TTC38: variants seen among roughly 807,000 people sequenced by gnomAD.
TTC38 encodes tetratricopeptide repeat protein 38.
Under a neutral mutation model 64.2 loss-of-function variants are expected in TTC38, and 64 were observed. The ratio of observed to expected loss-of-function variants is 1.00; its 90% CI spans 0.81 to 1.23. TTC38 has a LOEUF of 1.23. TTC38 is among the 50% of genes most tolerant of loss of function. The pLI is 0.00. For synonymous variants in TTC38, 254 were observed against 249.3 expected (o/e 1.02, Z -0.18); for missense variants, 573 against 615.5 (o/e 0.93, Z 0.73).
At position 46,272,514 on chromosome 22, in the gene TTC38, G is replaced by T. The variant is rs1936917983; in HGVS notation, c.193+98G>T. 2 of 1,048,886 alleles carry T rather than the reference G, an allele frequency of 1.9e-6. No individual in the cohort carries two copies. Among genetic ancestry groups the T allele is most frequent in the Non-Finnish European group, 2.9e-6 (2 of 690,346 alleles). The allele number at this position is 1,048,886 out of a possible 1,614,324, so 65.0% of individuals were successfully genotyped here. A position where few individuals can be genotyped will look rare whatever the true frequency, so the allele number is the denominator to read the frequency against. On this transcript the variant is annotated intron_variant, in intron 3 of 13. Transcript: ENST00000381031. This position sits in a 1 kb window ranked among gnomAD's most constrained non-coding sequence, Gnocchi z 6.4. The stretch of plus-strand genomic sequence containing the variant: ...GACACAGTTGGGATGGGGAAGGCAG[G>T]TTGGGTGGCAGCAACCAGGGTGGCA...
At position 46,293,130 on chromosome 22, in the gene TTC38, C is replaced by T; in HGVS notation, c.*246C>T. 2 of 475,010 alleles carry T rather than the reference C, an allele frequency of 4.2e-6. No individual in the cohort carries two copies. The highest frequency in any genetic ancestry group is 3.2e-5 in the Admixed American group (1 of 31,082). 29.4% of individuals were successfully genotyped at this position (475,010 alleles called of 1,614,324 possible). ...AGTCACAGCCAGTGTGAGTGCTGCT[C>T]TTTCCACCTGCCTTGCAAATTCTGT... is the stretch of plus-strand genomic sequence containing the variant. On this transcript the variant is annotated 3_prime_UTR_variant, in exon 14 of 14. Transcript: ENST00000381031. The surrounding 1 kb of genome is among the most constrained non-coding windows in gnomAD (Gnocchi z 6.6).
rs1278977469 is a variant in TTC38 at position 46,291,558 on chromosome 22, T to G, written c.1317-1233T>G. Among the ~76,000 whole-genome samples the G allele has an allele frequency of 6.6e-6, 1 of 152,114 alleles. No homozygotes were observed. The highest frequency in any genetic ancestry group is 1.9e-4 in the East Asian group (1 of 5,190). On this transcript the variant is annotated intron_variant, in intron 13 of 13. Coordinates refer to ENST00000381031, the MANE Select transcript of TTC38 (RefSeq NM_017931.4). This position sits in a 1 kb window ranked among gnomAD's most constrained non-coding sequence, Gnocchi z 4.6. ...CCCACAGCCATGGTGCCCCCCACAA[T>G]GAGTTCCCGGCCCCAGCCCCTTCAC...
chr22:46,289,260 G>A, intron 11 of TTC38, 142 bp from the exon 12 acceptor site: 1 of 1,090,372 alleles, frequency 9.2e-7, no homozygotes, highest in Middle Eastern at 2.7e-4. Flanking sequence ...TCGATGGGCT[G>A]CCCCGCCTGT....
intron 2 of TTC38, among the ~76,000 whole-genome samples, chr22:46,269,500 T>A (rs915340660): frequency 1.3e-5 from 2 of 152,226 alleles, no homozygotes; most frequent in Admixed American, 1.3e-4. Flanking sequence ...AGAACCAGGA[T>A]GAACCTGGGC....
Position 46,274,117 on chromosome 22 carries a change from G to T in TTC38, c.365+48G>T. 1.9e-6 allele frequency: 3 copies of T among 1,583,666 alleles called. No homozygotes were observed. The highest frequency in any genetic ancestry group is 2.6e-6 in the Non-Finnish European group (3 of 1,156,792). ...GAGCTGGCACCCTGAGGCTGAGCTG[G>T]GGGAGTGGCAGGGTATCCCTTTCCT... On this transcript the variant is annotated intron_variant, in intron 4 of 13. Transcript: ENST00000381031. The surrounding 1 kb of genome is among the most constrained non-coding windows in gnomAD (Gnocchi z 4.8).
chr22:46,277,026 A>G (rs1164440532), intron 5 of TTC38, among the ~76,000 whole-genome samples: 1 of 127,426 alleles, frequency 7.8e-6, no homozygotes, highest in African/African-American at 3.3e-5. Context: ...TGACCCCAGT[A>G]AACAATACAT....
chr22:46,287,495 C>G (rs1378930851), intron 10 of TTC38, among the ~76,000 whole-genome samples: 1 of 152,252 alleles, frequency 6.6e-6, no homozygotes, highest in South Asian at 2.1e-4. Context: ...GGCCACCTGT[C>G]TCGATGCCAC....
At chr22:46,284,952 A>G (rs2077561151) in intron 8 of TTC38, among the ~76,000 whole-genome samples, 1 of 151,952 alleles carries the variant, frequency 6.6e-6, no homozygotes, top group South Asian at 2.1e-4. Flanking sequence ...CAATACCTAT[A>G]TTAACTTTCC....
chr22:46,268,536 C>A lies in TTC38; in HGVS notation c.56C>A (p.Pro19Gln). The change falls in exon 2 of 14, where the codon CCG becomes CAG. Residue 19 changes from proline (P) to glutamine (Q), a missense_variant. Coordinates refer to ENST00000381031, the MANE Select transcript of TTC38 (RefSeq NM_017931.4). ...DCQAWKDARL[P>Q]LSTTSNEACK... ...TAGGCCTGGAAGGATGCGAGGCTCC[C>A]GCTCTCCACCACAAGCAACGAAGCC... The A allele has an allele frequency of 6.2e-7, 1 of 1,614,060 alleles. No homozygotes were observed. The highest frequency in any genetic ancestry group is 8.5e-7 in the Non-Finnish European group (1 of 1,180,030).
Position 46,289,928 on chromosome 22 carries a change from C to T in TTC38, c.1316+29C>T, listed in dbSNP as rs776321848. On this transcript the variant is annotated intron_variant, in intron 13 of 13. Transcript: ENST00000381031. ...AGCTCCTGGCCCCTGCCCAGCACTC[C>T]CGACCTTCACAGGCTCTCCCTGCAG... The T allele has an allele frequency of 3.7e-5, 59 of 1,600,680 alleles. No homozygotes were observed. In the Middle Eastern group the frequency reaches 4.9e-4, roughly 13 times the overall value.
rs749707432 is a variant in TTC38 at position 46,281,641 on chromosome 22, G to A, written c.658G>A (p.Val220Ile). 2.1e-5 allele frequency: 34 copies of A among 1,614,006 alleles called. No homozygotes were observed. Among genetic ancestry groups the A allele is most frequent in the African/African-American group, 2.7e-5 (2 of 74,920 alleles). The change falls in exon 7 of 14, where the codon GTC becomes ATC. Residue 220 changes from valine (V) to isoleucine (I), a missense_variant. Val to Ile is a conservative substitution (Grantham distance 29). Coordinates refer to ENST00000381031, the MANE Select transcript of TTC38 (RefSeq NM_017931.4). This position sits in a 1 kb window ranked among gnomAD's most constrained non-coding sequence, Gnocchi z 5.2. ...NPTDAWSVHT[V>I]AHIHEMKAEI... ...GACAGACGCATGGTCGGTGCACACC[G>A]TCGCTCACATCCACGAGATGAAAGC...
Position 46,273,861 on chromosome 22 carries a change from C to G in TTC38, c.194-37C>G. On this transcript the variant is annotated intron_variant, in intron 3 of 13. Transcript: ENST00000381031. This position sits in a 1 kb window ranked among gnomAD's most constrained non-coding sequence, Gnocchi z 5.1. ...TGGGCTGGGATGGGCTGAGCTGGAC[C>G]ATCTGAACCACCAGCCGTTCTCTAA... 1 of 1,610,340 alleles carries G rather than the reference C, an allele frequency of 6.2e-7. No homozygotes were observed.
chr22:46,274,076 G>A lies in TTC38; in HGVS notation c.365+7G>A. On this transcript the variant is annotated splice_region_variant and intron_variant, in intron 4 of 13. Transcript: ENST00000381031. The surrounding 1 kb of genome is among the most constrained non-coding windows in gnomAD (Gnocchi z 4.8). ...TAGAGACATTTGCCAATGGGTGAGG[G>A]GCCTCCCTGGGCTGGGAGCTGGCAC... is the stretch of plus-strand genomic sequence containing the variant. 1 of 1,613,354 alleles carries A rather than the reference G, an allele frequency of 6.2e-7. No homozygotes were observed. Among genetic ancestry groups the A allele is most frequent in the South Asian group, 1.1e-5 (1 of 91,040 alleles).
At chr22:46,285,353 AG>A (rs1418241855) in intron 9 of TTC38, 74 bp downstream of exon 9, 4 of 1,414,148 alleles carry the variant, frequency 2.8e-6, no homozygotes, top group Non-Finnish European at 4.0e-6. Flanking sequence ...CAGATTTTTG[AG>A]TTCATCAGGA....
rs1488402602 is a variant in TTC38, at chr22:46,270,978, C to G, written c.112-1357C>G. ...AGTGAGCCAAGATCGTGCCATTGCA[C>G]TCCAGCCTGGGTGACAGGGCAAGAT... On this transcript the variant is annotated intron_variant, in intron 2 of 13. Coordinates refer to ENST00000381031, the MANE Select transcript of TTC38 (RefSeq NM_017931.4). The surrounding 1 kb of genome is among the most constrained non-coding windows in gnomAD (Gnocchi z 4.7). 6.7e-6 allele frequency among the ~76,000 whole-genome samples: 1 copy of G among 149,722 alleles called. No individual in the cohort carries two copies. Among genetic ancestry groups the G allele is most frequent in the Non-Finnish European group, 1.5e-5 (1 of 67,358 alleles).
In TTC38 at chr22:46,273,805, G is replaced by T. The variant is rs1936947215; in HGVS notation, c.194-93G>T. The stretch of plus-strand genomic sequence containing the variant: ...CTGCTGCCTGGCTGGCCCCTCCTGG[G>T]ACGTGGGGTGTCTCTGTGACATGTG... On this transcript the variant is annotated intron_variant, in intron 3 of 13. Coordinates refer to ENST00000381031, the MANE Select transcript of TTC38 (RefSeq NM_017931.4). This position sits in a 1 kb window ranked among gnomAD's most constrained non-coding sequence, Gnocchi z 5.1. The T allele has an allele frequency of 1.5e-6, 2 of 1,336,216 alleles. No individual in the cohort carries two copies. Among genetic ancestry groups the T allele is most frequent in the East Asian group, 4.8e-5 (2 of 41,970 alleles). The allele number at this position is 1,336,216 out of a possible 1,614,324, so 82.8% of individuals were successfully genotyped here.
chr22:46,271,899 C>A lies in TTC38; in HGVS notation c.112-436C>A, dbSNP rs2050558698. ...TTGGGTGATGTGTATTTCATTTCTT[C>A]GTATGAAGAAAGTTATCAGCCAGGT... is the stretch of plus-strand genomic sequence containing the variant. On this transcript the variant is annotated intron_variant, in intron 2 of 13. Coordinates refer to ENST00000381031, the MANE Select transcript of TTC38 (RefSeq NM_017931.4). This position sits in a 1 kb window ranked among gnomAD's most constrained non-coding sequence, Gnocchi z 5.5. Among the ~76,000 whole-genome samples the A allele has an allele frequency of 6.6e-6, 1 of 152,170 alleles. No individual in the cohort carries two copies. The highest frequency in any genetic ancestry group is 2.4e-5 in the African/African-American group (1 of 41,446).
At position 46,278,518 on chromosome 22, in the gene TTC38, C is replaced by T. The variant is rs765818424; in HGVS notation, c.540-68C>T. 183 of 1,346,396 alleles carry T rather than the reference C, an allele frequency of 1.4e-4. 1 individual carries two copies. Among genetic ancestry groups the T allele is most frequent in the Admixed American group, 3.2e-4 (19 of 59,284 alleles). 83.4% of individuals were successfully genotyped at this position (1,346,396 alleles called of 1,614,324 possible). ...CAGTTAGGACCTCAGTGTATCTTTG[C>T]GGGGACACAGTTCAACCTGCTACCC... On this transcript the variant is annotated intron_variant, in intron 5 of 13. Coordinates refer to ENST00000381031, the MANE Select transcript of TTC38 (RefSeq NM_017931.4).
At chr22:46,287,007 G>A (rs761453076) in intron 9 of TTC38, 66 bp from the exon 10 acceptor site, 230 of 1,334,528 alleles carry the variant, frequency 1.7e-4, no homozygotes, top group Non-Finnish European at 2.2e-4. Context: ...GGCTGACCCT[G>A]GCTGTGCCTG....
Sources: gnomAD v4.1 joint callset for allele counts (sites outside exome capture counted in the v4.1 genomes callset) on GRCh38, gnomAD v4.1.1 for gene constraint, Gnocchi (gnomAD v3.1) non-coding constraint, MANE v1.5 for transcripts, NCBI Gene and HGNC (gene_info 2026-07-23, HGNC 2026-07-21) for gene names.